Variants in CTPS2 observed in about 807,000 individuals in gnomAD.
CTPS2 encodes CTP synthase II.
In CTPS2, 19 loss-of-function variants were observed where a neutral mutation model predicts 46.8. The observed-to-expected ratio is 0.41, with a 90% CI of 0.28 to 0.60. The LOEUF (loss-of-function observed/expected upper bound fraction) is 0.60, where lower values mean the gene tolerates loss of function less well. Among genes scored for constraint, CTPS2 ranks in the 20% least tolerant of loss-of-function variants. CTPS2 has a pLI of 0.35. For synonymous variants in CTPS2, 151 were observed against 165.2 expected (o/e 0.91, Z 0.66); for missense variants, 286 against 447.6 (o/e 0.64, Z 3.26).
chrX:16,640,124 G>A (rs190083492), intron 13 of CTPS2, among the ~76,000 whole-genome samples: 102 of 111,407 alleles, frequency 9.2e-4, no homozygotes, highest in African/African-American at 3.1e-3. Context: ...TCTTAGTGCG[G>A]CATTTTTCCT....
intron 14 of CTPS2, among the ~76,000 whole-genome samples, chrX:16,621,889 A>G (rs1174701701): frequency 9.0e-6 from 1 of 111,371 alleles, no homozygotes; most frequent in Non-Finnish European, 1.9e-5. Context: ...AATTCTGTCC[A>G]TATAGACTGA....
chrX:16,675,110 C>CA (rs374958784), intron 10 of CTPS2, among the ~76,000 whole-genome samples: 13 of 107,674 alleles, frequency 1.2e-4, no homozygotes, highest in African/African-American at 4.4e-4. Flanking sequence ...TACAAAAATG[C>CA]AAAAAAAATT....
Position 16,698,945 on chromosome X carries a change from A to G in CTPS2, c.315T>C (p.Asp105=), listed in dbSNP as rs770509165. Reference sequence around the variant, plus strand: ...TACCTTGCACTGTTTTCCCCAGGTAATCACCACGCCTCTCTTTATTGATCA... The same window carrying G: ...TACCTTGCACTGTTTTCCCCAGGTAGTCACCACGCCTCTCTTTATTGATCA... The part of the protein sequence containing the change: ...QHVINKERRG[D]YLGKTVQVVP... The change falls in exon 3 of 19, where the codon GAT becomes GAC. Residue 105 remains aspartate (D), a synonymous_variant. Coordinates refer to ENST00000359276, the MANE Select transcript of CTPS2 (RefSeq NM_175859.3). The G allele has an allele frequency of 2.5e-6, 3 of 1,200,791 alleles. No individual in the cohort carries two copies. The African/African-American group carries it at 5.3e-5, about 21-fold the overall frequency.
intron 13 of CTPS2, among the ~76,000 whole-genome samples, chrX:16,665,808 T>C (rs1921125771): frequency 1.8e-5 from 2 of 112,327 alleles, no homozygotes; most frequent in Non-Finnish European, 3.8e-5. Flanking sequence ...TGGAGTGCAA[T>C]GGCACGATCT....
At chrX:16,662,524 G>T (rs1932987618) in intron 13 of CTPS2, among the ~76,000 whole-genome samples, 1 of 110,598 alleles carries the variant, frequency 9.0e-6, no homozygotes, top group African/African-American at 3.3e-5. Context: ...GACCTATGAA[G>T]AGATCTTAGG....
Position 16,664,955 on chromosome X carries a change from A to G in CTPS2, c.1296+2559T>C, listed in dbSNP as rs746688794. On this transcript the variant is annotated intron_variant, in intron 13 of 18. Transcript: ENST00000359276. The stretch of plus-strand genomic sequence containing the variant: ...ACAACTCAATAATAAAAATACAAAT[A>G]CCCTAATTTTAAAATAGACAAAGGA... 2.7e-4 allele frequency among the ~76,000 whole-genome samples: 30 copies of G among 111,901 alleles called. 1 individual carries two copies. In the South Asian group the frequency reaches 4.5e-3, roughly 17 times the overall value.
intron 17 of CTPS2, among the ~76,000 whole-genome samples, chrX:16,609,066 C>A (rs1930133127): frequency 9.0e-6 from 1 of 111,213 alleles, no homozygotes. Context: ...TTAGGGAGAA[C>A]AAAACTACCA....
At chrX:16,606,158 C>T (rs1337091287) in intron 17 of CTPS2, among the ~76,000 whole-genome samples, 1 of 112,620 alleles carries the variant, frequency 8.9e-6, no homozygotes, top group Non-Finnish European at 1.9e-5. Flanking sequence ...TGGCCGTACA[C>T]GTGCCATACA....
intron 4 of CTPS2, among the ~76,000 whole-genome samples, chrX:16,697,987 A>G (rs1924256529): frequency 9.0e-6 from 1 of 111,140 alleles, no homozygotes; most frequent in Non-Finnish European, 1.9e-5. Flanking sequence ...GCAGCTGATC[A>G]GTCTCCACAA....
intron 13 of CTPS2, among the ~76,000 whole-genome samples, chrX:16,647,764 T>C (rs990290801): frequency 9.0e-6 from 1 of 111,435 alleles, no homozygotes; most frequent in Non-Finnish European, 1.9e-5. Context: ...AGATGACATA[T>C]AGTTATTAAA....
chrX:16,633,531 C>T (rs977008278), intron 14 of CTPS2, among the ~76,000 whole-genome samples: 10 of 112,154 alleles, frequency 8.9e-5, no homozygotes, highest in African/African-American at 3.2e-4. Context: ...TGCTCGTTCA[C>T]TCACATATTT....
chrX:16,644,042 T>A (rs924689421), intron 13 of CTPS2, among the ~76,000 whole-genome samples: 2 of 111,725 alleles, frequency 1.8e-5, no homozygotes, highest in Non-Finnish European at 3.8e-5. Context: ...GGAGACTGAA[T>A]AATGCCTCCC....
chrX:16,605,309 C>T (rs1320847302), intron 17 of CTPS2, among the ~76,000 whole-genome samples: 1 of 111,761 alleles, frequency 8.9e-6, no homozygotes, highest in Admixed American at 9.5e-5. Context: ...AAGGCGAACT[C>T]GACGTGACTT....
rs1290267270 is a variant in CTPS2 at position 16,702,768 on chromosome X, G to A, written c.135C>T (p.Ile45=). The change falls in exon 2 of 19, where the codon ATC becomes ATT. Residue 45 remains isoleucine, a synonymous_variant. Transcript: ENST00000359276. ...CATAAGGTGAAAAAGTGCCAGCATC[G>A]ATGTTAATATAGGGGTCGATTTTTA... The part of the protein sequence containing the change: ...TAIKIDPYIN[I]DAGTFSPYEH... The A allele has an allele frequency of 8.3e-7, 1 of 1,210,536 alleles. No homozygotes were observed. The highest frequency in any genetic ancestry group is 3.0e-5 in the East Asian group (1 of 33,825).
In CTPS2 at chrX:16,620,337, A is replaced by G. The variant is rs1288309612; in HGVS notation, c.1394-5T>C. 3 of 1,185,799 alleles carry G rather than the reference A, an allele frequency of 2.5e-6. No homozygotes were observed. The highest frequency in any genetic ancestry group is 3.4e-6 in the Non-Finnish European group (3 of 872,884). On this transcript the variant is annotated splice_polypyrimidine_tract_variant and splice_region_variant and intron_variant, in intron 14 of 18. Transcript: ENST00000359276. ...GAACATCACCATAAAGTTTCCCTGTAAAGATACAAGAGCGAGATTAATATT... is the reference window on the plus strand; with the variant it reads ...GAACATCACCATAAAGTTTCCCTGTGAAGATACAAGAGCGAGATTAATATT...
At chrX:16,677,036 G>A (rs1490287912) in intron 10 of CTPS2, among the ~76,000 whole-genome samples, 2 of 100,438 alleles carry the variant, frequency 2.0e-5, no homozygotes, top group African/African-American at 7.4e-5. Flanking sequence ...TCCAGCCTGG[G>A]AGACAGAGCA....
chrX:16,643,925 G>C (rs976203695), intron 13 of CTPS2, among the ~76,000 whole-genome samples: 104 of 111,137 alleles, frequency 9.4e-4, no homozygotes, highest in Middle Eastern at 4.7e-3. Context: ...TGCTTTAGGG[G>C]CCCCCTCCAG....
Position 16,673,045 on chromosome X carries a change from C to T in CTPS2, c.1095-2371G>A, listed in dbSNP as rs1921908212. On this transcript the variant is annotated intron_variant, in intron 10 of 18. Transcript: ENST00000359276. ...GGGACTACAGGCGCCCGCCACTACG[C>T]CCGGCTAATTTTTTGTATTTTTAGT... is the stretch of plus-strand genomic sequence containing the variant. Among the ~76,000 whole-genome samples the T allele has an allele frequency of 2.8e-5, 3 of 105,512 alleles. No individual in the cohort carries two copies. The South Asian group carries it at 1.3e-3, about 46-fold the overall frequency. The allele number at this position is 105,512 out of a possible 115,157, so 91.6% of individuals were successfully genotyped here. A position where few individuals can be genotyped will look rare whatever the true frequency, so the allele number is the denominator to read the frequency against.
At chrX:16,710,083 C>G (rs1307361732) in intron 1 of CTPS2, among the ~76,000 whole-genome samples, 1 of 109,916 alleles carries the variant, frequency 9.1e-6, no homozygotes, top group Admixed American at 9.9e-5. Context: ...CCTTTTCCCC[C>G]CAAAGCCAGC....
Sources: allele counts gnomAD v4.1 joint callset (sites outside exome capture counted in the v4.1 genomes callset), GRCh38; gene constraint gnomAD v4.1.1; transcripts MANE v1.5; gene names NCBI Gene and HGNC (gene_info 2026-07-23, HGNC 2026-07-21).